ATRNL1: variants seen among roughly 807,000 people sequenced by gnomAD.
The protein encoded by ATRNL1 is attractin-like protein 1.
In ATRNL1, 95 loss-of-function variants were observed where a neutral mutation model predicts 182.7. The ratio of observed to expected loss-of-function variants is 0.52; its 90% CI spans 0.44 to 0.62. ATRNL1 has a LOEUF of 0.62. ATRNL1 is among the 20% of genes least tolerant of loss of function. ATRNL1 has a pLI of 0.00. For missense variants in ATRNL1, 1,471 were observed against 1,679.5 expected (o/e 0.88, Z 2.17); for synonymous variants, 576 against 568.3 (o/e 1.01, Z -0.19).
intron 10 of ATRNL1, among the ~76,000 whole-genome samples, chr10:115,263,876 G>A (rs2133876204): frequency 6.6e-6 from 1 of 151,724 alleles, no homozygotes; most frequent in Non-Finnish European, 1.5e-5. Context: ...ATAAAACATT[G>A]GGAAAACACT....
At chr10:115,339,935 G>A (rs558610029) in intron 19 of ATRNL1, among the ~76,000 whole-genome samples, 4 of 152,156 alleles carry the variant, frequency 2.6e-5, no homozygotes, top group South Asian at 2.1e-4. Context: ...TATCAAATGC[G>A]TTTTCACTGT....
intron 26 of ATRNL1, among the ~76,000 whole-genome samples, chr10:115,634,689 A>G (rs1858746729): frequency 6.6e-6 from 1 of 152,156 alleles, no homozygotes; most frequent in Admixed American, 6.5e-5. Flanking sequence ...TAAAATATTT[A>G]AAATATTTAT....
chr10:115,392,969 G>A (rs1229150573), intron 19 of ATRNL1, among the ~76,000 whole-genome samples: 11 of 152,088 alleles, frequency 7.2e-5, no homozygotes, highest in African/African-American at 2.2e-4. Flanking sequence ...AATAGCCATA[G>A]CTGGTCACAC....
chr10:115,467,439 C>G (rs1188349351), intron 23 of ATRNL1, among the ~76,000 whole-genome samples, 187 bp downstream of exon 23: 1 of 150,620 alleles, frequency 6.6e-6, no homozygotes, highest in African/African-American at 2.4e-5. Context: ...TAACTTTCTC[C>G]TTTATTCAAT....
chr10:115,182,984 C>T (rs1847805742), intron 8 of ATRNL1, among the ~76,000 whole-genome samples: 1 of 151,188 alleles, frequency 6.6e-6, no homozygotes, highest in Non-Finnish European at 1.5e-5. Context: ...ACAATACAGC[C>T]CGATTATAGA....
chr10:115,574,027 C>CAA (rs1854561233), intron 26 of ATRNL1, among the ~76,000 whole-genome samples: 1 of 152,038 alleles, frequency 6.6e-6, no homozygotes, highest in Non-Finnish European at 1.5e-5. Flanking sequence ...TTCTGTAAAC[C>CAA]ACTTAAAGCA....
chr10:115,288,824 T>C (rs927710514), intron 15 of ATRNL1, among the ~76,000 whole-genome samples: 4 of 152,056 alleles, frequency 2.6e-5, no homozygotes, highest in Non-Finnish European at 5.9e-5. Context: ...GTCCGGCCTG[T>C]ATGTCTTCTT....
intron 26 of ATRNL1, among the ~76,000 whole-genome samples, chr10:115,701,493 A>G (rs2133995786): frequency 6.6e-6 from 1 of 152,166 alleles, no homozygotes; most frequent in East Asian, 1.9e-4. Context: ...AATCCATACA[A>G]AGAATCAACA....
chr10:115,348,345 G>C (rs550146432), intron 19 of ATRNL1, among the ~76,000 whole-genome samples: 1 of 152,094 alleles, frequency 6.6e-6, no homozygotes, highest in Non-Finnish European at 1.5e-5. Flanking sequence ...GTAATGGTAA[G>C]TCATAAATGT....
At chr10:115,846,904 A>G (rs1555098922) in intron 27 of ATRNL1, among the ~76,000 whole-genome samples, 1 of 152,150 alleles carries the variant, frequency 6.6e-6, no homozygotes, top group African/African-American at 2.4e-5. Flanking sequence ...CTCTTGCTTC[A>G]GTGTTCTCAT....
At chr10:115,775,112 A>G (rs1465779564) in intron 27 of ATRNL1, among the ~76,000 whole-genome samples, 2 of 152,178 alleles carry the variant, frequency 1.3e-5, no homozygotes, top group Non-Finnish European at 2.9e-5. Context: ...TTTAAAAGTA[A>G]TATATTTTGA....
At chr10:115,628,872 A>G (rs1555025497) in intron 26 of ATRNL1, among the ~76,000 whole-genome samples, 1 of 152,158 alleles carries the variant, frequency 6.6e-6, no homozygotes, top group East Asian at 1.9e-4. Context: ...AATCTAATAT[A>G]TCCAGTTGTC....
intron 14 of ATRNL1, among the ~76,000 whole-genome samples, chr10:115,284,497 A>T (rs1314215874): frequency 7.9e-5 from 12 of 152,340 alleles, no homozygotes; most frequent in South Asian, 2.1e-4. Context: ...ACACAGTCTT[A>T]TTAAATGATA....
chr10:115,291,357 T>C (rs1592389913), intron 15 of ATRNL1, among the ~76,000 whole-genome samples: 1 of 152,172 alleles, frequency 6.6e-6, no homozygotes, highest in Admixed American at 6.5e-5. Context: ...TGTTAAATAA[T>C]TGTGGTGAGA....
chr10:115,750,127 A>G (rs573523489), intron 27 of ATRNL1, among the ~76,000 whole-genome samples: 1 of 151,948 alleles, frequency 6.6e-6, no homozygotes, highest in Non-Finnish European at 1.5e-5. Context: ...GGGAATTAAG[A>G]TAGTACCCAA....
chr10:115,328,544 T>C (rs10787565), intron 18 of ATRNL1, among the ~76,000 whole-genome samples: 147,068 of 152,168 alleles, frequency 0.97, 71,092 homozygotes, highest in East Asian at 1. Flanking sequence ...CTATGTGTAA[T>C]ATTGTATGCA....
rs79813862 is a variant in ATRNL1, at chr10:115,670,905, C to T, written c.3796-56343C>T. On this transcript the variant is annotated intron_variant, in intron 26 of 28. Coordinates refer to ENST00000355044, the MANE Select transcript of ATRNL1 (RefSeq NM_207303.4). ...AAAAATCAAATATGAGAAATAATGT[C>T]GAAACACTTTAGATGCTGAAAATAT... Among the ~76,000 whole-genome samples the T allele has an allele frequency of 6.6e-3, 1,007 of 152,092 alleles. 5 individuals carry two copies. The highest frequency in any genetic ancestry group is 0.011 in the Non-Finnish European group (776 of 67,982).
intron 27 of ATRNL1, among the ~76,000 whole-genome samples, chr10:115,749,954 A>T (rs1948400499): frequency 7.0e-6 from 1 of 143,326 alleles, no homozygotes; most frequent in Non-Finnish European, 1.5e-5. Context: ...GTTGGATCAA[A>T]CAAGATTTGT....
intron 13 of ATRNL1, among the ~76,000 whole-genome samples, chr10:115,272,990 C>G (rs1321429297): frequency 6.6e-6 from 1 of 152,134 alleles, no homozygotes; most frequent in Non-Finnish European, 1.5e-5. Context: ...AATCTATAGC[C>G]AGAATAAATG....
Sources: gnomAD v4.1 joint callset for allele counts (sites outside exome capture counted in the v4.1 genomes callset) on GRCh38, gnomAD v4.1.1 for gene constraint, MANE v1.5 for transcripts, NCBI Gene and HGNC (gene_info 2026-07-23, HGNC 2026-07-21) for gene names.